FOXN3: variants seen among roughly 807,000 people sequenced by gnomAD.
The protein encoded by FOXN3 is forkhead box protein N3.
A neutral mutation model predicts 38.4 loss-of-function variants in FOXN3; 7 were observed. The observed-to-expected ratio is 0.18, with a 90% CI of 0.10 to 0.34. The LOEUF is 0.34. FOXN3 is among the 10% of genes least tolerant of loss of function. The pLI is 1.00. For synonymous variants in FOXN3, 230 were observed against 242.2 expected, an observed-to-expected ratio of 0.95 and a Z score of 0.47; for missense variants, 456 against 613.4, an observed-to-expected ratio of 0.74 and a Z score of 2.71.
chr14:89,329,896 T>C (rs1888195315), intron 3 of FOXN3, among the ~76,000 whole-genome samples: 2 of 137,358 alleles, frequency 1.5e-5, no homozygotes, highest in East Asian at 2.2e-4. Flanking sequence ...AAGAATTATC[T>C]GGCCCCAAAT....
intron 4 of FOXN3, among the ~76,000 whole-genome samples, chr14:89,267,737 T>C (rs1886026491): frequency 6.6e-6 from 1 of 152,156 alleles, no homozygotes; most frequent in African/African-American, 2.4e-5. Context: ...GAATCTAAAA[T>C]GCAGTGAGGG....
chr14:89,287,793 G>A (rs12892996), intron 3 of FOXN3, among the ~76,000 whole-genome samples: 76,381 of 148,774 alleles, frequency 0.51, 20,227 homozygotes, highest in East Asian at 0.67. Flanking sequence ...GCTCACCCCT[G>A]TAACCTCAGC....
chr14:89,429,325 C>T (rs535911559), intron 1 of FOXN3, among the ~76,000 whole-genome samples: 1 of 152,332 alleles, frequency 6.6e-6, no homozygotes, highest in South Asian at 2.1e-4. Context: ...ATCCTTCTCC[C>T]TCCAAATTCC....
intron 1 of FOXN3, among the ~76,000 whole-genome samples, chr14:89,518,529 G>A (rs1049662756): frequency 6.6e-6 from 1 of 152,184 alleles, no homozygotes; most frequent in Non-Finnish European, 1.5e-5. Context: ...CTTATACTGT[G>A]TTCTCCCTCC....
intron 3 of FOXN3, among the ~76,000 whole-genome samples, chr14:89,319,741 A>G (rs1291323172): frequency 6.6e-6 from 1 of 152,190 alleles, no homozygotes; most frequent in Non-Finnish European, 1.5e-5. Context: ...ATGTAGCTCC[A>G]TTTTATACAT....
At chr14:89,274,034 T>C (rs945639495) in intron 4 of FOXN3, among the ~76,000 whole-genome samples, 3 of 152,134 alleles carry the variant, frequency 2.0e-5, no homozygotes, top group African/African-American at 4.8e-5. Flanking sequence ...CTTTGCAAAA[T>C]GGACAAAAGA....
intron 4 of FOXN3, among the ~76,000 whole-genome samples, chr14:89,256,285 CATCA>C (rs908820933): frequency 1.6e-4 from 25 of 152,270 alleles, no homozygotes; most frequent in African/African-American, 4.8e-4. Context: ...ATCAGTCAAT[CATCA>C]ATCAATCAAT....
chr14:89,190,428 C>T (rs200719962), intron 4 of FOXN3: 338 of 1,613,822 alleles, frequency 2.1e-4, no homozygotes, highest in Non-Finnish European at 1.8e-4. Context: ...CATCATGGCA[C>T]TGGCAGCATC....
Position 89,510,841 on chromosome 14 carries a change from G to T in FOXN3, c.-14-98351C>A, listed in dbSNP as rs552826944. ...CCTGTAAATCCCAGCTACTTTAGTGGCTGAGGCATGAGAATCACTTGAACC... is the reference window on the plus strand; with the variant it reads ...CCTGTAAATCCCAGCTACTTTAGTGTCTGAGGCATGAGAATCACTTGAACC... On this transcript the variant is annotated intron_variant, in intron 1 of 6. Coordinates refer to the FOXN3 transcript ENST00000345097. Among the ~76,000 whole-genome samples the T allele has an allele frequency of 7.1e-4, 108 of 152,260 alleles. 1 individual carries two copies. The highest frequency in any genetic ancestry group is 2.5e-3 in the African/African-American group (102 of 41,540).
intron 1 of FOXN3, among the ~76,000 whole-genome samples, chr14:89,500,045 G>T (rs1362881779): frequency 6.6e-6 from 1 of 152,068 alleles, no homozygotes; most frequent in African/African-American, 2.4e-5. Context: ...TAGAGATGGG[G>T]TTTCACCATG....
At position 89,549,789 on chromosome 14, in the gene FOXN3, C is replaced by T. The variant is rs114364258; in HGVS notation, c.-15+69239G>A. 3.8e-3 allele frequency among the ~76,000 whole-genome samples: 574 copies of T among 152,306 alleles called. 4 individuals carry two copies. Among genetic ancestry groups the T allele is most frequent in the African/African-American group, 0.013 (520 of 41,560 alleles). On this transcript the variant is annotated intron_variant, in intron 1 of 6. Coordinates refer to the FOXN3 transcript ENST00000345097. Reference sequence around the variant, plus strand: ...TTCATCTTGGAGGCTGCAACCCAAGCGAGCTCCCTGCCCTTTGATCTGGAT... The same window carrying T: ...TTCATCTTGGAGGCTGCAACCCAAGTGAGCTCCCTGCCCTTTGATCTGGAT...
chr14:89,372,976 A>C (rs982959398), intron 2 of FOXN3, among the ~76,000 whole-genome samples: 10 of 152,120 alleles, frequency 6.6e-5, no homozygotes, highest in South Asian at 2.1e-4. Flanking sequence ...GACCAGCCTG[A>C]GCAACATAGG....
chr14:89,446,597 C>A (rs544767098), intron 1 of FOXN3, among the ~76,000 whole-genome samples: 36 of 152,284 alleles, frequency 2.4e-4, no homozygotes, highest in African/African-American at 8.2e-4. Context: ...ACTGTAAATA[C>A]ACTTAGTACT....
At chr14:89,297,017 T>A (rs1887059402) in intron 3 of FOXN3, among the ~76,000 whole-genome samples, 1 of 152,156 alleles carries the variant, frequency 6.6e-6, no homozygotes, top group African/African-American at 2.4e-5. Context: ...TGTGGATCAA[T>A]CTATCCATGG....
At chr14:89,552,733 C>A (rs188849451) in intron 1 of FOXN3, among the ~76,000 whole-genome samples, 22 of 152,298 alleles carry the variant, frequency 1.4e-4, no homozygotes, top group Admixed American at 1.4e-3. Context: ...GTGGCATGTG[C>A]CTGTAATCCC....
intron 2 of FOXN3, chr14:89,356,603 C>G (rs1205358957): frequency 3.9e-5 from 6 of 152,100 alleles, no homozygotes; most frequent in Admixed American, 3.3e-4. Flanking sequence ...TGTTGGTGAT[C>G]TTGAAACAAT....
chr14:89,602,000 T>C (rs1896162323), intron 1 of FOXN3, among the ~76,000 whole-genome samples: 1 of 152,214 alleles, frequency 6.6e-6, no homozygotes, highest in Non-Finnish European at 1.5e-5. Flanking sequence ...GATATTCTAC[T>C]ATTGTTTGTA....
intron 1 of FOXN3, among the ~76,000 whole-genome samples, chr14:89,423,919 G>A (rs1281111924): frequency 6.6e-6 from 1 of 152,172 alleles, no homozygotes; most frequent in African/African-American, 2.4e-5. Flanking sequence ...TTCCCCACCA[G>A]ACTGACTACT....
At chr14:89,530,891 G>A (rs928616500) in intron 1 of FOXN3, among the ~76,000 whole-genome samples, 8 of 149,132 alleles carry the variant, frequency 5.4e-5, no homozygotes, top group Non-Finnish European at 1.2e-4. Context: ...ATTACGGTGT[G>A]AGCCACCACG....
Sources: allele counts gnomAD v4.1 joint callset (sites outside exome capture counted in the v4.1 genomes callset), GRCh38; gene constraint gnomAD v4.1.1; transcripts MANE v1.5; gene names NCBI Gene and HGNC (gene_info 2026-07-23, HGNC 2026-07-21).